The following AFDN variants were observed in gnomAD, a reference collection of about 807,000 sequenced individuals.
AFDN encodes the protein afadin, adherens junction formation factor.
AFDN carries 68 observed loss-of-function variants against 216.6 expected under a neutral mutation model. The observed-to-expected ratio is 0.31, with a 90% CI of 0.26 to 0.38. AFDN has a LOEUF of 0.38. Ranked by LOEUF, AFDN falls within the 10% of genes least tolerant of loss-of-function variation. The pLI, the probability that AFDN is intolerant of heterozygous loss-of-function variation, is 1.00. For missense variants in AFDN, 2,136 were observed against 2,342.0 expected (o/e 0.91, Z 1.82); for synonymous variants, 868 against 853.7 (o/e 1.02, Z -0.29).
intron 23 of AFDN, among the ~76,000 whole-genome samples, chr6:167,928,687 G>A (rs892693062): frequency 3.9e-4 from 60 of 152,172 alleles, no homozygotes; most frequent in Non-Finnish European, 7.6e-4. Context: ...GGCTCCACCC[G>A]GCCTCTGCCC....
rs536145251 is a variant in AFDN at position 167,970,886 on chromosome 6, C to T, written c.*951C>T. 1 of 214,528 alleles carries T rather than the reference C, an allele frequency of 4.7e-6. No individual in the cohort carries two copies. The highest frequency in any genetic ancestry group is 9.4e-6 in the Non-Finnish European group (1 of 106,466). The allele number at this position is 214,528 out of a possible 1,614,324, so 13.3% of individuals were successfully genotyped here. ...GAAATTTTAAATTTGAAAAAGAAAT[C>T]GATTTTCATCTGTATGCCGTCAAGG... On this transcript the variant is annotated 3_prime_UTR_variant, in exon 34 of 34. Transcript: ENST00000683244.
chr6:167,846,185 AGTT>A (rs1781654752), intron 1 of AFDN, among the ~76,000 whole-genome samples: 1 of 152,014 alleles, frequency 6.6e-6, no homozygotes, highest in South Asian at 2.1e-4. Context: ...AGTAGGTAGC[AGTT>A]TATCAGAGCT....
intron 32 of AFDN, 34 bp downstream of exon 32, chr6:167,966,079 A>G (rs1797525435): frequency 5.2e-6 from 8 of 1,529,544 alleles, no homozygotes; most frequent in East Asian, 4.9e-5. Flanking sequence ...AGAAAGTCTC[A>G]TGGGGACCTT....
chr6:167,915,963 C>G (rs1379222180), intron 19 of AFDN, among the ~76,000 whole-genome samples: 1 of 152,224 alleles, frequency 6.6e-6, no homozygotes, highest in East Asian at 1.9e-4. Flanking sequence ...TGAAACACTT[C>G]TGGTCCCAAG....
At chr6:167,866,643 G>C (rs1432402693) in intron 2 of AFDN, among the ~76,000 whole-genome samples, 1 of 152,150 alleles carries the variant, frequency 6.6e-6, no homozygotes, top group Admixed American at 6.5e-5. Context: ...GCCTTTCCGA[G>C]CTCCTCAGAC....
At chr6:167,924,326 A>G (rs752932080) in intron 22 of AFDN, among the ~76,000 whole-genome samples, 8 of 152,198 alleles carry the variant, frequency 5.3e-5, no homozygotes, top group Non-Finnish European at 8.8e-5. Context: ...TAGGAGTGAC[A>G]TGTATAGAAT....
At chr6:167,882,096 G>A (rs938607978) in intron 6 of AFDN, among the ~76,000 whole-genome samples, 1 of 152,068 alleles carries the variant, frequency 6.6e-6, no homozygotes, top group African/African-American at 2.4e-5. Flanking sequence ...AAACTGGAGA[G>A]AACAGATGGA....
chr6:167,864,658 A>C lies in AFDN; in HGVS notation c.213A>C (p.Val71=), dbSNP rs750454874. ...RVSSTATTQD[V]IETLAEKFRP... ...CTAGTACTGCCACCACTCAAGATGT[A>C]ATCGAAACGCTCGCGGAGAAATTTC... is the stretch of plus-strand genomic sequence containing the variant. The change falls in exon 2 of 34, where the codon GTA becomes GTC. Residue 71 remains valine, a synonymous_variant. Coordinates refer to ENST00000683244, the MANE Select transcript of AFDN (RefSeq NM_001386888.1). 1.2e-6 allele frequency: 2 copies of C among 1,614,208 alleles called. No individual in the cohort carries two copies. Among genetic ancestry groups the C allele is most frequent in the Non-Finnish European group, 1.7e-6 (2 of 1,180,030 alleles).
rs1377125557 is a variant in AFDN, at chr6:167,971,646, C to A, written c.*1711C>A. On this transcript the variant is annotated 3_prime_UTR_variant, in exon 34 of 34. Coordinates refer to ENST00000683244, the MANE Select transcript of AFDN (RefSeq NM_001386888.1). ...TCTTTAAAGAGATGCAGATGAATTA[C>A]TTTTCTGTTAATATATAGAAAAATA... 2 of 194,652 alleles carry A rather than the reference C, an allele frequency of 1.0e-5. No homozygotes were observed. The highest frequency in any genetic ancestry group is 4.6e-5 in the African/African-American group (2 of 43,176). The allele number at this position is 194,652 out of a possible 1,614,324, so 12.1% of individuals were successfully genotyped here.
chr6:167,925,925 A>G (rs1792467019), intron 23 of AFDN, among the ~76,000 whole-genome samples: 1 of 152,242 alleles, frequency 6.6e-6, no homozygotes, highest in Non-Finnish European at 1.5e-5. Flanking sequence ...GCTTAAAAAT[A>G]ACACTTTGGC....
intron 8 of AFDN, among the ~76,000 whole-genome samples, chr6:167,892,652 T>C (rs1445885736): frequency 6.6e-6 from 1 of 152,148 alleles, no homozygotes; most frequent in Non-Finnish European, 1.5e-5. Context: ...TTGATAAATA[T>C]TGATTGAATA....
chr6:167,890,779 A>G (rs1435536398), intron 7 of AFDN, 83 bp from the exon 8 acceptor site: 1 of 1,333,270 alleles, frequency 7.5e-7, no homozygotes, highest in Non-Finnish European at 1.0e-6. Context: ...TTTTTGAGAA[A>G]GTTTTGCACA....
chr6:167,947,426 G>T (rs371256560), intron 27 of AFDN, among the ~76,000 whole-genome samples: 1 of 152,068 alleles, frequency 6.6e-6, no homozygotes, highest in South Asian at 2.1e-4. Context: ...TGATCTGCCC[G>T]CCTTGGCCTC....
At chr6:167,892,794 G>T (rs1311341487) in intron 8 of AFDN, among the ~76,000 whole-genome samples, 1 of 152,094 alleles carries the variant, frequency 6.6e-6, no homozygotes, top group African/African-American at 2.4e-5. Flanking sequence ...TAGTCTCTCA[G>T]GTAATCAAAT....
rs747771382 is a variant in AFDN at position 167,946,939 on chromosome 6, T to C, written c.3553+38T>C. 4.4e-5 allele frequency: 68 copies of C among 1,555,612 alleles called. No individual in the cohort carries two copies. In the East Asian group the frequency reaches 1.4e-3, roughly 32 times the overall value. ...CTTTTTTGCTTCCTAAGTACACTTG[T>C]GATCACAGTCTGAAGTGAGAGGAGG... On this transcript the variant is annotated intron_variant, in intron 27 of 33. Coordinates refer to ENST00000683244, the MANE Select transcript of AFDN (RefSeq NM_001386888.1).
rs1294867707 is a variant in AFDN at position 167,898,451 on chromosome 6, C to T, written c.1564C>T (p.Pro522Ser). The change falls in exon 11 of 34, where the codon CCA becomes TCA. Residue 522 changes from proline to serine, a missense_variant. By Grantham distance (74) the Pro-to-Ser change is moderately conservative. Around this residue, in one of 8 missense-constraint regions of AFDN, gnomAD observed 817 missense variants for 965.7 expected, o/e 0.85. Coordinates refer to ENST00000683244, the MANE Select transcript of AFDN (RefSeq NM_001386888.1). ...SVDGGLMVKG[P>S]RHKPGIVQET... ...GGATGGAGGCCTGATGGTTAAGGGCCCAAGACATAAACCTGGGTAAATAGA... is the reference window on the plus strand; with the variant it reads ...GGATGGAGGCCTGATGGTTAAGGGCTCAAGACATAAACCTGGGTAAATAGA... 12 of 1,613,846 alleles carry T rather than the reference C, an allele frequency of 7.4e-6. No individual in the cohort carries two copies. The highest frequency in any genetic ancestry group is 3.3e-5 in the Admixed American group (2 of 59,982).
intron 27 of AFDN, 133 bp from the exon 28 acceptor site, chr6:167,947,720 T>TA (rs1440680005): frequency 1.1e-5 from 6 of 547,628 alleles, no homozygotes; most frequent in East Asian, 3.0e-5. Flanking sequence ...CTGCCTTGAT[T>TA]TTTTTTTTTC....
chr6:167,887,783 C>G (rs190320148), intron 6 of AFDN, among the ~76,000 whole-genome samples: 2 of 152,172 alleles, frequency 1.3e-5, no homozygotes, highest in South Asian at 2.1e-4. Context: ...TAAATTGTAG[C>G]TGTTTTCTTA....
At chr6:167,966,075 T>G (rs1457253702) in intron 32 of AFDN, 30 bp downstream of exon 32, 2 of 1,538,468 alleles carry the variant, frequency 1.3e-6, no homozygotes, top group Non-Finnish European at 1.7e-6. Context: ...CACAAGAAAG[T>G]CTCATGGGGA....
Sources: allele counts gnomAD v4.1 joint callset (sites outside exome capture counted in the v4.1 genomes callset), GRCh38; gene constraint gnomAD v4.1.1; regional missense constraint gnomAD v4.1.1; transcripts MANE v1.5; gene names NCBI Gene and HGNC (gene_info 2026-07-23, HGNC 2026-07-21).